The following ANKS1B variants were observed in gnomAD, a reference collection of about 807,000 sequenced individuals.
ANKS1B encodes ankyrin repeat and sterile alpha motif domain-containing protein 1B.
A neutral mutation model predicts 148.3 loss-of-function variants in ANKS1B; 36 were observed. The observed-to-expected ratio is 0.24, with a 90% CI of 0.19 to 0.32. ANKS1B has a LOEUF of 0.32. Among genes scored for constraint, ANKS1B ranks in the 10% least tolerant of loss-of-function variants. ANKS1B has a pLI of 1.00. For missense variants in ANKS1B, 1,157 were observed against 1,542.6 expected, an observed-to-expected ratio of 0.75 and a Z score of 4.19; for synonymous variants, 542 against 560.8, an observed-to-expected ratio of 0.97 and a Z score of 0.47.
chr12:99,057,396 C>T (rs2040580619), intron 16 of ANKS1B, among the ~76,000 whole-genome samples: 1 of 152,172 alleles, frequency 6.6e-6, no homozygotes, highest in Non-Finnish European at 1.5e-5. Context: ...TAATATTCTG[C>T]CATTGGCTGC....
chr12:99,072,569 C>T (rs1421925532), intron 16 of ANKS1B, among the ~76,000 whole-genome samples: 3 of 152,150 alleles, frequency 2.0e-5, no homozygotes, highest in African/African-American at 7.2e-5. Flanking sequence ...TTAAAGATGA[C>T]TTAAGTGGAT....
chr12:99,825,932 T>A (rs866418930), intron 1 of ANKS1B, among the ~76,000 whole-genome samples: 1 of 152,190 alleles, frequency 6.6e-6, no homozygotes, highest in African/African-American at 2.4e-5. Context: ...TTGTAAACCA[T>A]GAGAAGATCC....
intron 12 of ANKS1B, among the ~76,000 whole-genome samples, chr12:99,262,605 T>G (rs1040754033): frequency 8.5e-5 from 13 of 152,054 alleles, no homozygotes; most frequent in African/African-American, 3.1e-4. Context: ...CATTTTTATA[T>G]TTTTTCTTTT....
chr12:99,979,537 C>T (rs549608171), intron 1 of ANKS1B, among the ~76,000 whole-genome samples: 24 of 151,960 alleles, frequency 1.6e-4, no homozygotes, highest in Non-Finnish European at 2.9e-4. Context: ...AAGGTCCAAA[C>T]GAGACCATAA....
chr12:99,887,525 G>C (rs891857314), intron 1 of ANKS1B, among the ~76,000 whole-genome samples: 2 of 152,106 alleles, frequency 1.3e-5, no homozygotes, highest in Admixed American at 1.3e-4. Flanking sequence ...TCCTGGATCA[G>C]TATGGTTGAA....
intron 14 of ANKS1B, among the ~76,000 whole-genome samples, chr12:99,169,811 T>C (rs2077561233): frequency 6.6e-6 from 1 of 152,206 alleles, no homozygotes; most frequent in Non-Finnish European, 1.5e-5. Flanking sequence ...TTATGAATTG[T>C]CTAAAGCTGC....
intron 4 of ANKS1B, among the ~76,000 whole-genome samples, chr12:99,802,673 A>C (rs924670814): frequency 6.6e-6 from 1 of 152,082 alleles, no homozygotes; most frequent in African/African-American, 2.4e-5. Flanking sequence ...AGCACTTTGG[A>C]AGGCCAAGAA....
At chr12:99,946,720 G>A (rs1454744391) in intron 1 of ANKS1B, among the ~76,000 whole-genome samples, 1 of 152,166 alleles carries the variant, frequency 6.6e-6, no homozygotes, top group African/African-American at 2.4e-5. Flanking sequence ...GACAGTATAT[G>A]CCAGTTCCAA....
At chr12:99,711,894 CAT>C (rs1220698021) in intron 8 of ANKS1B, among the ~76,000 whole-genome samples, 3 of 152,160 alleles carry the variant, frequency 2.0e-5, no homozygotes, top group Non-Finnish European at 4.4e-5. Context: ...GACATGCACA[CAT>C]GTGTTCATTA....
chr12:99,637,830 C>T (rs2098255494), intron 9 of ANKS1B, among the ~76,000 whole-genome samples: 2 of 135,376 alleles, frequency 1.5e-5, no homozygotes, highest in South Asian at 2.3e-4. Flanking sequence ...TATATACACA[C>T]ACATACACAT....
chr12:98,806,120 C>T (rs578115530), intron 20 of ANKS1B, among the ~76,000 whole-genome samples: 2 of 152,330 alleles, frequency 1.3e-5, no homozygotes, highest in East Asian at 3.9e-4. Context: ...GATCCACCCG[C>T]CTTGGCCTCC....
intron 14 of ANKS1B, among the ~76,000 whole-genome samples, chr12:99,204,575 G>T (rs2082416692): frequency 6.6e-6 from 1 of 152,228 alleles, no homozygotes; most frequent in African/African-American, 2.4e-5. Context: ...ACAGCCACCT[G>T]AATGCCCTAA....
At chr12:99,378,652 CAAAAAA>C (rs140892353) in intron 12 of ANKS1B, among the ~76,000 whole-genome samples, 2 of 90,712 alleles carry the variant, frequency 2.2e-5, no homozygotes, top group Admixed American at 1.3e-4. Flanking sequence ...GACTCCATCT[CAAAAAA>C]AAAAAAAAAA....
At chr12:99,457,678 AAAG>A (rs2095869557) in intron 10 of ANKS1B, among the ~76,000 whole-genome samples, 1 of 152,174 alleles carries the variant, frequency 6.6e-6, no homozygotes, top group South Asian at 2.1e-4. Context: ...TAAAAAAGAC[AAAG>A]AAGGACATAC....
At chr12:99,440,710 T>C (rs2095535989) in intron 11 of ANKS1B, among the ~76,000 whole-genome samples, 1 of 151,856 alleles carries the variant, frequency 6.6e-6, no homozygotes, top group African/African-American at 2.4e-5. Flanking sequence ...AGTAATTAAC[T>C]AAGCAGAAAC....
rs1292645179 is a variant in ANKS1B, at chr12:99,227,046, G to A, written c.2419+17296C>T. On this transcript the variant is annotated intron_variant, in intron 14 of 26. Transcript: ENST00000683438. The stretch of plus-strand genomic sequence containing the variant: ...CTGTTAAGGTAGGGTGATATAGCTA[G>A]TGTTTTTGTTCCCTAGTGTATTGTT... Among the ~76,000 whole-genome samples, 3 of 152,170 alleles carry A rather than the reference G, an allele frequency of 2.0e-5. No homozygotes were observed. In the East Asian group the frequency reaches 5.8e-4, roughly 29 times the overall value.
intron 10 of ANKS1B, among the ~76,000 whole-genome samples, chr12:99,482,381 G>C (rs572212702): frequency 6.6e-6 from 1 of 151,942 alleles, no homozygotes; most frequent in East Asian, 1.9e-4. Flanking sequence ...TGTTCCATTT[G>C]TCTATGTGCC....
chr12:99,437,849 T>C (rs2095486258), intron 11 of ANKS1B, among the ~76,000 whole-genome samples: 1 of 151,908 alleles, frequency 6.6e-6, no homozygotes, highest in Admixed American at 6.6e-5. Flanking sequence ...CTTATTTCCT[T>C]TTACCATCAA....
Position 99,772,993 on chromosome 12 carries a change from A to G in ANKS1B, c.1057T>C (p.Ser353Pro), listed in dbSNP as rs773192005. The part of the protein sequence containing the change: ...YSFEDLCHTI[S>P]DHYLDNLSKI... Reference sequence around the variant, plus strand: ...CTCAAATTATCTAAGTAGTGGTCTGATATTGTGTGGCACAAGTCTTCAAAC... The same window carrying G: ...CTCAAATTATCTAAGTAGTGGTCTGGTATTGTGTGGCACAAGTCTTCAAAC... The change falls in exon 8 of 27, where the codon TCA becomes CCA. Residue 353 changes from serine to proline, a missense_variant. This residue lies in a region of ANKS1B where 661 missense variants were observed against 642.1 expected (regional missense o/e 1.03). Coordinates refer to ENST00000683438, the MANE Select transcript of ANKS1B (RefSeq NM_001352186.2). 6.2e-7 allele frequency: 1 copy of G among 1,612,896 alleles called. No individual in the cohort carries two copies.
Sources: gnomAD v4.1 joint callset for allele counts (sites outside exome capture counted in the v4.1 genomes callset) on GRCh38, gnomAD v4.1.1 for gene constraint, gnomAD v4.1.1 regional missense constraint, MANE v1.5 for transcripts, NCBI Gene and HGNC (gene_info 2026-07-23, HGNC 2026-07-21) for gene names.